Variants in TCEA1 observed in about 807,000 individuals in gnomAD.
TCEA1 encodes the protein transcription elongation factor A protein 1.
In TCEA1, 21 loss-of-function variants were observed where a neutral mutation model predicts 43.8. The observed-to-expected ratio is 0.48, with a 90% CI of 0.34 to 0.69. The LOEUF is 0.69. TCEA1 is among the 30% of genes least tolerant of loss of function. The pLI is 0.01. For synonymous variants in TCEA1, 104 were observed against 117.5 expected, an observed-to-expected ratio of 0.88 and a Z score of 0.75; for missense variants, 250 against 365.1, an observed-to-expected ratio of 0.68 and a Z score of 2.57.
At position 54,003,556 on chromosome 8, in the gene TCEA1, C is replaced by G. The variant is rs532581664; in HGVS notation, c.127-3506G>C. ...AATAAATTCCTACATTTTTCATCAA[C>G]TGATTTTAGATAAGGATATCAAGAC... On this transcript the variant is annotated intron_variant, in intron 2 of 9. Coordinates refer to ENST00000521604, the MANE Select transcript of TCEA1 (RefSeq NM_006756.4). 3.9e-5 allele frequency among the ~76,000 whole-genome samples: 6 copies of G among 152,240 alleles called. No individual in the cohort carries two copies. In the East Asian group the frequency reaches 9.7e-4, roughly 24 times the overall value.
At chr8:54,011,834 G>A (rs1338914689) in intron 1 of TCEA1, among the ~76,000 whole-genome samples, 1 of 152,102 alleles carries the variant, frequency 6.6e-6, no homozygotes, top group Admixed American at 6.6e-5. Context: ...TTTTATTCTG[G>A]TAACAAAGAG....
At chr8:53,989,301 G>C (rs963655003) in intron 4 of TCEA1, among the ~76,000 whole-genome samples, 3 of 152,040 alleles carry the variant, frequency 2.0e-5, no homozygotes, top group Non-Finnish European at 4.4e-5. Context: ...CACTAAAATG[G>C]GTTCTTTCCA....
chr8:53,993,869 T>G, intron 3 of TCEA1, 114 bp from the exon 4 acceptor site: 1 of 814,684 alleles, frequency 1.2e-6, no homozygotes, highest in Non-Finnish European at 2.0e-6. Context: ...TTCCTACAAG[T>G]AGATGAAGTT....
chr8:54,004,031 A>G (rs1804361166), intron 2 of TCEA1, among the ~76,000 whole-genome samples: 1 of 152,250 alleles, frequency 6.6e-6, no homozygotes, highest in Non-Finnish European at 1.5e-5. Flanking sequence ...CAAGCACATG[A>G]AAAGATATTC....
At chr8:54,004,466 T>A (rs1281476963) in intron 2 of TCEA1, among the ~76,000 whole-genome samples, 1 of 152,162 alleles carries the variant, frequency 6.6e-6, no homozygotes, top group Admixed American at 6.5e-5. Flanking sequence ...AATTCTGACA[T>A]AAACTGCAAC....
intron 8 of TCEA1, among the ~76,000 whole-genome samples, chr8:53,974,615 C>T (rs926886291): frequency 6.6e-6 from 1 of 152,034 alleles, no homozygotes; most frequent in Admixed American, 6.6e-5. Context: ...GCAACCTCCA[C>T]TTCCTGGGTT....
Position 54,022,406 on chromosome 8 carries a change from G to A in TCEA1, c.-281C>T, listed in dbSNP as rs1215542406. On this transcript the variant is annotated 5_prime_UTR_variant, in exon 1 of 10. Coordinates refer to ENST00000521604, the MANE Select transcript of TCEA1 (RefSeq NM_006756.4). ...TGGTGAGGGGCGAGCCCATGTTCCC[G>A]CCAGGCGGGCGTCGGGCTAGTGGGC... 4 of 485,258 alleles carry A rather than the reference G, an allele frequency of 8.2e-6. No homozygotes were observed. Among genetic ancestry groups the A allele is most frequent in the Admixed American group, 4.1e-5 (1 of 24,104 alleles). The allele number at this position is 485,258 out of a possible 1,614,324, so 30.1% of individuals were successfully genotyped here. A position where few individuals can be genotyped will look rare whatever the true frequency, so the allele number is the denominator to read the frequency against.
rs1803015478 is a variant in TCEA1, at chr8:53,967,305, G to T, written c.*799C>A. 1 of 202,664 alleles carries T rather than the reference G, an allele frequency of 4.9e-6. No individual in the cohort carries two copies. Among genetic ancestry groups the T allele is most frequent in the Admixed American group, 6.0e-5 (1 of 16,676 alleles). 12.6% of individuals were successfully genotyped at this position (202,664 alleles called of 1,614,324 possible). A position where few individuals can be genotyped will look rare whatever the true frequency, so the allele number is the denominator to read the frequency against. On this transcript the variant is annotated 3_prime_UTR_variant, in exon 10 of 10. Transcript: ENST00000521604. Reference sequence around the variant, plus strand: ...GTCTTCCTAAGAGGGGAAAAAAATAGTGGGAAGTTTTCATCTTTGCCTATG... The same window carrying T: ...GTCTTCCTAAGAGGGGAAAAAAATATTGGGAAGTTTTCATCTTTGCCTATG...
intron 8 of TCEA1, chr8:53,972,508 T>C: frequency 7.4e-6 from 4 of 537,790 alleles, no homozygotes; most frequent in Admixed American, 5.8e-5. Flanking sequence ...ACACATTAAT[T>C]AGCAGTTTGC....
Position 53,988,070 on chromosome 8 carries a change from G to A in TCEA1, c.466+44C>T, listed in dbSNP as rs1219562683. The A allele has an allele frequency of 1.9e-6, 3 of 1,592,614 alleles. No individual in the cohort carries two copies. In the African/African-American group the frequency reaches 4.0e-5, roughly 21 times the overall value. Reference sequence around the variant, plus strand: ...TGGAGTTGGAGATGGCAGTGGTTGTGGGTGGTGACCAAAGGACTGAGAAAT... The same window carrying A: ...TGGAGTTGGAGATGGCAGTGGTTGTAGGTGGTGACCAAAGGACTGAGAAAT... On this transcript the variant is annotated intron_variant, in intron 5 of 9. Transcript: ENST00000521604.
chr8:53,981,198 T>C (rs771766726), intron 7 of TCEA1, among the ~76,000 whole-genome samples: 1 of 152,240 alleles, frequency 6.6e-6, no homozygotes, highest in South Asian at 2.1e-4. Flanking sequence ...CAAGTGCTGA[T>C]GGAGAAGCTA....
chr8:54,007,462 C>A (rs981140095), intron 2 of TCEA1, among the ~76,000 whole-genome samples: 2 of 151,708 alleles, frequency 1.3e-5, no homozygotes, highest in Non-Finnish European at 3.0e-5. Context: ...ATTACAGGCA[C>A]GAGCCACTGT....
chr8:53,996,281 G>C (rs1426719832), intron 3 of TCEA1, among the ~76,000 whole-genome samples: 1 of 152,236 alleles, frequency 6.6e-6, no homozygotes, highest in Non-Finnish European at 1.5e-5. Context: ...AGCTAGCTGG[G>C]AAGGAGGTGC....
intron 8 of TCEA1, chr8:53,972,120 T>C: frequency 3.4e-6 from 1 of 290,978 alleles, no homozygotes; most frequent in Non-Finnish European, 6.7e-6. Context: ...AGTGGTTCCA[T>C]CCATAACGGC....
intron 3 of TCEA1, among the ~76,000 whole-genome samples, chr8:53,995,159 G>C (rs966910661): frequency 6.6e-6 from 1 of 151,890 alleles, no homozygotes; most frequent in Non-Finnish European, 1.5e-5. Context: ...AAATTAGCTG[G>C]ACATGGTGGT....
At chr8:53,992,422 G>A (rs1284965806) in intron 4 of TCEA1, among the ~76,000 whole-genome samples, 1 of 151,964 alleles carries the variant, frequency 6.6e-6, no homozygotes, top group Non-Finnish European at 1.5e-5. Context: ...AGACCAGCCT[G>A]GCCAACATAG....
At chr8:53,968,374 A>T (rs1585979359) in intron 9 of TCEA1, among the ~76,000 whole-genome samples, 1 of 93,766 alleles carries the variant, frequency 1.1e-5, no homozygotes, top group South Asian at 7.4e-4. Context: ...TTTTAAGGTT[A>T]AAAAAAAAAA....
Position 54,022,180 on chromosome 8 carries a change from G to A in TCEA1, c.-55C>T. The A allele has an allele frequency of 6.4e-7, 1 of 1,573,560 alleles. No individual in the cohort carries two copies. On this transcript the variant is annotated 5_prime_UTR_variant, in exon 1 of 10. Coordinates refer to ENST00000521604, the MANE Select transcript of TCEA1 (RefSeq NM_006756.4). The stretch of plus-strand genomic sequence containing the variant: ...CCGCTGGCAAGGGGAAGTGGGCGAA[G>A]CTGGAGCGGAAGACACAGCAGGAGC...
intron 1 of TCEA1, among the ~76,000 whole-genome samples, chr8:54,013,680 CAAAAAAAA>C (rs5891511): frequency 1.5e-5 from 1 of 65,298 alleles, no homozygotes; most frequent in Admixed American, 2.3e-4. Flanking sequence ...AACTCCATCT[CAAAAAAAA>C]AAAAAAAAAA....
Sources: allele counts gnomAD v4.1 joint callset (sites outside exome capture counted in the v4.1 genomes callset), GRCh38; gene constraint gnomAD v4.1.1; transcripts MANE v1.5; gene names NCBI Gene and HGNC (gene_info 2026-07-23, HGNC 2026-07-21).